TLK2: variants seen among roughly 807,000 people sequenced by gnomAD.
The protein encoded by TLK2 is serine/threonine-protein kinase tousled-like 2.
A neutral mutation model predicts 117.3 loss-of-function variants in TLK2; 6 were observed. That is an observed-to-expected ratio of 0.05 (90% CI 0.03 to 0.10). The LOEUF (loss-of-function observed/expected upper bound fraction) is 0.10. Among genes scored for constraint, TLK2 ranks in the 10% least tolerant of loss-of-function variants. The pLI is 1.00. For synonymous variants in TLK2, 257 were observed against 316.7 expected (o/e 0.81, Z 2.00); for missense variants, 299 against 901.2 (o/e 0.33, Z 8.56).
intron 3 of TLK2, among the ~76,000 whole-genome samples, chr17:62,521,309 T>C (rs1220423076): frequency 6.6e-6 from 1 of 152,140 alleles, no homozygotes; most frequent in Non-Finnish European, 1.5e-5. Context: ...GGATCTTACA[T>C]GTCTTAAAAT....
At chr17:62,483,412 C>G (rs1385860988) in intron 2 of TLK2, among the ~76,000 whole-genome samples, 2 of 152,210 alleles carry the variant, frequency 1.3e-5, no homozygotes, top group Admixed American at 1.3e-4. Context: ...TATCAGAAAA[C>G]TTTAATACAG....
intron 2 of TLK2, chr17:62,516,549 A>G (rs2075608771): frequency 7.5e-6 from 12 of 1,609,270 alleles, no homozygotes; most frequent in Non-Finnish European, 1.0e-5. Context: ...GGATACACTC[A>G]TTGGTAAGGT....
At chr17:62,539,320 T>C (rs571081095) in intron 7 of TLK2, among the ~76,000 whole-genome samples, 2 of 152,272 alleles carry the variant, frequency 1.3e-5, no homozygotes, top group Admixed American at 6.5e-5. Context: ...TTAGCAACTA[T>C]TGATCACTTC....
intron 2 of TLK2, among the ~76,000 whole-genome samples, chr17:62,496,139 T>A (rs1197963478): frequency 6.6e-6 from 1 of 152,220 alleles, no homozygotes; most frequent in Non-Finnish European, 1.5e-5. Flanking sequence ...TACTTATGTA[T>A]ATTCAACCCT....
At chr17:62,570,426 C>T (rs78635830) in intron 11 of TLK2, among the ~76,000 whole-genome samples, 3,074 of 152,258 alleles carry the variant, frequency 0.02, 102 homozygotes, top group African/African-American at 0.07. Flanking sequence ...TAAGGATCAA[C>T]TCTGTGAAAG....
At chr17:62,595,278 G>GC (rs1216968616) in intron 16 of TLK2, among the ~76,000 whole-genome samples, 42 of 145,708 alleles carry the variant, frequency 2.9e-4, no homozygotes, top group African/African-American at 7.6e-4. Context: ...GCCGTGCCTG[G>GC]CCCCCTTTTT....
intron 2 of TLK2, among the ~76,000 whole-genome samples, chr17:62,493,026 G>A (rs1234922091): frequency 1.3e-5 from 2 of 152,078 alleles, no homozygotes; most frequent in Non-Finnish European, 2.9e-5. Context: ...TGAACCGGGA[G>A]GTGGAGGTTG....
At chr17:62,499,184 C>T (rs145495890) in intron 2 of TLK2, among the ~76,000 whole-genome samples, 5,084 of 151,808 alleles carry the variant, frequency 0.033, 136 homozygotes, top group Non-Finnish European at 0.046. Flanking sequence ...CTACTAAAAA[C>T]ATGAAAATTA....
intron 2 of TLK2, among the ~76,000 whole-genome samples, chr17:62,517,040 G>A (rs1165399915): frequency 1.3e-5 from 2 of 152,060 alleles, no homozygotes; most frequent in African/African-American, 4.8e-5. Flanking sequence ...CGAGTAGCTG[G>A]GATTACAGGC....
At chr17:62,552,736 T>G (rs1419249623) in intron 8 of TLK2, among the ~76,000 whole-genome samples, 1 of 152,058 alleles carries the variant, frequency 6.6e-6, no homozygotes, top group Non-Finnish European at 1.5e-5. Flanking sequence ...TAAGTTCAGA[T>G]TCTGGCCTGG....
At chr17:62,513,815 G>A (rs1326638736) in intron 2 of TLK2, among the ~76,000 whole-genome samples, 3 of 151,888 alleles carry the variant, frequency 2.0e-5, no homozygotes, top group Non-Finnish European at 4.4e-5. Context: ...AGCCTCCTGA[G>A]TAGCTGGGAT....
chr17:62,503,854 G>T (rs967392821), intron 2 of TLK2, among the ~76,000 whole-genome samples: 1 of 151,164 alleles, frequency 6.6e-6, no homozygotes, highest in Non-Finnish European at 1.5e-5. Context: ...TCAGCCTCCC[G>T]AGTAGCTGGG....
At chr17:62,511,238 C>G (rs2075120645) in intron 2 of TLK2, among the ~76,000 whole-genome samples, 1 of 152,220 alleles carries the variant, frequency 6.6e-6, no homozygotes, top group Non-Finnish European at 1.5e-5. Context: ...CATCATAAGG[C>G]TCTTTCCTGC....
chr17:62,612,158 G>T (rs2083840981), intron 21 of TLK2: 1 of 423,406 alleles, frequency 2.4e-6, no homozygotes, highest in Admixed American at 4.2e-5. Context: ...TTCAGTAATG[G>T]CTCAGCCCTT....
chr17:62,523,233 A>G lies in TLK2; in HGVS notation c.267+56A>G, dbSNP rs531594237. On this transcript the variant is annotated intron_variant, in intron 5 of 21. Coordinates refer to ENST00000346027, the MANE Select transcript of TLK2 (RefSeq NM_006852.6). ...ACAAAACAAAACAAAAAAACTCTATAGTGATTTTTTTTAAAAAACCCTAAA... is the reference window on the plus strand; with the variant it reads ...ACAAAACAAAACAAAAAAACTCTATGGTGATTTTTTTTAAAAAACCCTAAA... The G allele has an allele frequency of 2.3e-5, 36 of 1,573,098 alleles. No individual in the cohort carries two copies. In the South Asian group the frequency reaches 3.8e-4, roughly 17 times the overall value.
upstream of TLK2, among the ~76,000 whole-genome samples, chr17:62,475,529 A>G (rs2071021916): frequency 6.6e-6 from 1 of 151,706 alleles, no homozygotes; most frequent in Non-Finnish European, 1.5e-5. Context: ...TATTTTTAGC[A>G]GAGATGGGGT....
rs574564152 is a variant in TLK2, at chr17:62,516,671, G to C, written c.82-4102G>C. The C allele has an allele frequency of 9.4e-4, 1,513 of 1,609,644 alleles. 25 individuals carry two copies. The Admixed American group carries it at 0.021, about 23-fold the overall frequency. On this transcript the variant is annotated intron_variant, in intron 2 of 21. Coordinates refer to ENST00000346027, the MANE Select transcript of TLK2 (RefSeq NM_006852.6). ...GGCACATTCTTGTCTGCCAGCTCCG[G>C]GTGCTTAGGCATGTGGACATCCTTC...
chr17:62,509,901 C>T (rs2075009848), intron 2 of TLK2, among the ~76,000 whole-genome samples: 1 of 152,224 alleles, frequency 6.6e-6, no homozygotes, highest in Non-Finnish European at 1.5e-5. Context: ...CCTGGACCCT[C>T]ACCAGACACC....
At chr17:62,546,344 G>GTTTTCTTTTTTTTTTTTT in intron 7 of TLK2, among the ~76,000 whole-genome samples, 1 of 23,346 alleles carries the variant, frequency 4.3e-5, no homozygotes, top group Non-Finnish European at 9.6e-5. Flanking sequence ...TTTGTTGATT[G>GTTTTCTTTTTTTTTTTTT]TTTTTTTTTT....
Sources: gnomAD v4.1 joint callset for allele counts (sites outside exome capture counted in the v4.1 genomes callset) on GRCh38, gnomAD v4.1.1 for gene constraint, MANE v1.5 for transcripts, NCBI Gene and HGNC (gene_info 2026-07-23, HGNC 2026-07-21) for gene names.